The following AKAP9 variants were observed in gnomAD, a reference collection of about 807,000 sequenced individuals.
The protein encoded by AKAP9 is A-kinase anchoring protein 9.
Under a neutral mutation model 488.5 loss-of-function variants are expected in AKAP9, and 311 were observed. The ratio of observed to expected loss-of-function variants is 0.64; its 90% CI spans 0.58 to 0.70. The LOEUF is 0.70. AKAP9 is among the 30% of genes least tolerant of loss of function. The pLI, the probability that AKAP9 is intolerant of heterozygous loss-of-function variation, is 0.00. For synonymous variants in AKAP9, 1,462 were observed against 1,483.5 expected (o/e 0.99, Z 0.33); for missense variants, 4,215 against 4,374.5 (o/e 0.96, Z 1.03).
chr7:92,092,726 A>G (rs1484490782), intron 38 of AKAP9: 3 of 223,910 alleles, frequency 1.3e-5, no homozygotes, highest in African/African-American at 6.9e-5. Context: ...AACTCATTGC[A>G]ACCTCCACCT....
intron 1 of AKAP9, among the ~76,000 whole-genome samples, chr7:91,966,370 G>A (rs1421954152): frequency 6.6e-6 from 1 of 151,990 alleles, no homozygotes; most frequent in Non-Finnish European, 1.5e-5. Context: ...TTTTTTGTAT[G>A]TGGTAAGAGA....
At position 92,002,151 on chromosome 7, in the gene AKAP9, T is replaced by G; in HGVS notation, c.2234T>G (p.Val745Gly). The change falls in exon 8 of 50, where the codon GTT becomes GGT. Residue 745 changes from valine to glycine, a missense_variant. This residue lies in a region of AKAP9 where 2,361 missense variants were observed against 2,430.0 expected (regional missense o/e 0.97). Transcript: ENST00000356239. Reference protein sequence around the residue: ...EKEKGTLEQEVQELQLKTELL... With the variant: ...EKEKGTLEQEGQELQLKTELL... ...GAAAAGGGTACACTTGAACAAGAAG[T>G]TCAAGAATTACAACTTAAAACAGAA... 1.9e-6 allele frequency: 3 copies of G among 1,592,352 alleles called. No homozygotes were observed. The highest frequency in any genetic ancestry group is 2.6e-6 in the Non-Finnish European group (3 of 1,173,584).
rs1816944374 is a variant in AKAP9, at chr7:92,098,229, A to G, written c.10713+15A>G. ...AAGGTGAAGAGGTAATACTTTTTAAAAGTTATTTCTGAAGCATTGAGAGCA... is the reference window on the plus strand; with the variant it reads ...AAGGTGAAGAGGTAATACTTTTTAAGAGTTATTTCTGAAGCATTGAGAGCA... On this transcript the variant is annotated intron_variant, in intron 43 of 49. Transcript: ENST00000356239. The G allele has an allele frequency of 6.6e-7, 1 of 1,509,608 alleles. No individual in the cohort carries two copies. Among genetic ancestry groups the G allele is most frequent in the Admixed American group, 1.7e-5 (1 of 59,552 alleles). The allele number at this position is 1,509,608 out of a possible 1,614,324, so 93.5% of individuals were successfully genotyped here. A position where few individuals can be genotyped will look rare whatever the true frequency, so the allele number is the denominator to read the frequency against.
intron 1 of AKAP9, among the ~76,000 whole-genome samples, chr7:91,962,534 A>G (rs908051119): frequency 3.9e-4 from 59 of 152,152 alleles, no homozygotes; most frequent in African/African-American, 1.4e-3. Context: ...ACTTTTCTGT[A>G]AAAGATAAAT....
At chr7:91,957,975 T>C (rs1255620702) in intron 1 of AKAP9, among the ~76,000 whole-genome samples, 2 of 152,116 alleles carry the variant, frequency 1.3e-5, no homozygotes, top group African/African-American at 4.8e-5. Flanking sequence ...TATGCAGAGA[T>C]TATGATCCCA....
chr7:92,013,516 A>G (rs1479852758), intron 9 of AKAP9, among the ~76,000 whole-genome samples: 1 of 152,196 alleles, frequency 6.6e-6, no homozygotes, highest in Non-Finnish European at 1.5e-5. Flanking sequence ...AGAGTAACAC[A>G]ATATGGTTTT....
At chr7:92,089,228 A>G (rs1815111190) in intron 37 of AKAP9, among the ~76,000 whole-genome samples, 157 bp from the exon 38 acceptor site, 1 of 152,232 alleles carries the variant, frequency 6.6e-6, no homozygotes, top group Non-Finnish European at 1.5e-5. Context: ...TGTCTGCAGC[A>G]TATCCTCATA....
chr7:92,106,540 G>C (rs921665611), intron 47 of AKAP9, among the ~76,000 whole-genome samples: 1 of 152,136 alleles, frequency 6.6e-6, no homozygotes, highest in Non-Finnish European at 1.5e-5. Context: ...GGAAGAATTA[G>C]GAAGTTTTCA....
intron 26 of AKAP9, 61 bp from the exon 27 acceptor site, chr7:92,069,969 C>T: frequency 1.4e-6 from 2 of 1,458,938 alleles, no homozygotes; most frequent in East Asian, 2.3e-5. Flanking sequence ...ATAACTCAAC[C>T]TATACTAACT....
At chr7:92,078,850 T>G (rs1813048254) in intron 30 of AKAP9, among the ~76,000 whole-genome samples, 1 of 152,138 alleles carries the variant, frequency 6.6e-6, no homozygotes, top group Admixed American at 6.5e-5. Flanking sequence ...TAATAGGGAA[T>G]CAGCAACTAA....
At position 92,000,906 on chromosome 7, in the gene AKAP9, T is replaced by C; in HGVS notation, c.989T>C (p.Ile330Thr). The C allele has an allele frequency of 1.4e-6, 2 of 1,447,798 alleles. No individual in the cohort carries two copies. Among genetic ancestry groups the C allele is most frequent in the Non-Finnish European group, 1.9e-6 (2 of 1,077,392 alleles). The allele number at this position is 1,447,798 out of a possible 1,614,324, so 89.7% of individuals were successfully genotyped here. The stretch of plus-strand genomic sequence containing the variant: ...GAAGAAATACAGGAAAAGGAGACAA[T>C]CATTGAAGAATTAAACACAAAAATA... ...NKEEIQEKETIIEELNTKIIE... is the reference protein window; with the variant it reads ...NKEEIQEKETTIEELNTKIIE... The change falls in exon 8 of 50, where the codon ATC becomes ACC. Residue 330 changes from isoleucine to threonine, a missense_variant. Ile to Thr is a moderately conservative substitution (Grantham distance 89). Transcript: ENST00000356239.
At chr7:91,965,521 T>C (rs1416956212) in intron 1 of AKAP9, among the ~76,000 whole-genome samples, 1 of 152,220 alleles carries the variant, frequency 6.6e-6, no homozygotes, top group African/African-American at 2.4e-5. Context: ...CCTTTGTATA[T>C]TGATTTTCTT....
rs1390718176 is a variant in AKAP9 at position 91,980,141 on chromosome 7, T to A, written c.307-148T>A. On this transcript the variant is annotated intron_variant, in intron 2 of 49. Transcript: ENST00000356239. ...ATTGTTATTTATAATTAAATGAAAATTTTAAAGATTTGAGTAATTTTTACT... is the reference window on the plus strand; with the variant it reads ...ATTGTTATTTATAATTAAATGAAAAATTTAAAGATTTGAGTAATTTTTACT... The A allele has an allele frequency of 8.6e-6, 4 of 462,718 alleles. No individual in the cohort carries two copies. The Admixed American group carries it at 1.4e-4, about 17-fold the overall frequency. The allele number at this position is 462,718 out of a possible 1,614,324, so 28.7% of individuals were successfully genotyped here. A position where few individuals can be genotyped will look rare whatever the true frequency, so the allele number is the denominator to read the frequency against.
At chr7:91,971,118 T>TCTA (rs1405526027) in intron 1 of AKAP9, among the ~76,000 whole-genome samples, 2 of 152,168 alleles carry the variant, frequency 1.3e-5, no homozygotes, top group African/African-American at 4.8e-5. Flanking sequence ...TGATAATTCT[T>TCTA]AGATTTGATA....
chr7:91,944,673 C>G (rs1270032679), intron 1 of AKAP9, among the ~76,000 whole-genome samples: 1 of 152,168 alleles, frequency 6.6e-6, no homozygotes, highest in African/African-American at 2.4e-5. Flanking sequence ...AGGCATGAGC[C>G]ACTGCACTCA....
intron 3 of AKAP9, among the ~76,000 whole-genome samples, chr7:91,991,761 A>G (rs553351998): frequency 1.8e-4 from 27 of 152,230 alleles, no homozygotes; most frequent in South Asian, 1.2e-3. Context: ...GTGAGCCACC[A>G]CACCCGACCT....
At chr7:92,087,900 T>G (rs374092953) in intron 37 of AKAP9, among the ~76,000 whole-genome samples, 136 of 150,866 alleles carry the variant, frequency 9.0e-4, no homozygotes, top group African/African-American at 3.2e-3. Context: ...TATATATAAA[T>G]AAATAAATAG....
In AKAP9 at chr7:91,995,640, G is replaced by A. The variant is rs745874656; in HGVS notation, c.770G>A (p.Ser257Asn). Residue 257 changes from serine (S) to asparagine (N), a missense_variant, in exon 7 of 50, where the codon AGT becomes AAT. This residue lies in a region of AKAP9 where 2,361 missense variants were observed against 2,430.0 expected (regional missense o/e 0.97). Coordinates refer to ENST00000356239, the MANE Select transcript of AKAP9 (RefSeq NM_005751.5). ...ASETLRNSTH[S>N]STAADLLQAK... is the part of the protein sequence containing the mutation. ...GAAACTCTGAGAAACAGCACTCATA[G>A]TAGCACAGCTGCAGACTTACTACAA... 6.2e-7 allele frequency: 1 copy of A among 1,614,068 alleles called. No individual in the cohort carries two copies. Among genetic ancestry groups the A allele is most frequent in the South Asian group, 1.1e-5 (1 of 91,078 alleles).
At position 92,110,185 on chromosome 7, in the gene AKAP9, T is replaced by G; in HGVS notation, c.*26T>G. The G allele has an allele frequency of 1.3e-6, 2 of 1,560,290 alleles. No homozygotes were observed. The highest frequency in any genetic ancestry group is 1.8e-6 in the Non-Finnish European group (2 of 1,136,372). On this transcript the variant is annotated 3_prime_UTR_variant, in exon 50 of 50. Transcript: ENST00000356239. ...TCCTTTGAAACATCATTAATTGAAGTGATTTTAAATAGATTTCCTTTTGTA... is the reference window on the plus strand; with the variant it reads ...TCCTTTGAAACATCATTAATTGAAGGGATTTTAAATAGATTTCCTTTTGTA...
Sources: allele counts gnomAD v4.1 joint callset (sites outside exome capture counted in the v4.1 genomes callset), GRCh38; gene constraint gnomAD v4.1.1; regional missense constraint gnomAD v4.1.1; transcripts MANE v1.5; gene names NCBI Gene and HGNC (gene_info 2026-07-23, HGNC 2026-07-21).